EPM2A: variants seen among roughly 807,000 people sequenced by gnomAD.
The protein encoded by EPM2A is EPM2A glucan phosphatase, laforin.
A neutral mutation model predicts 26.5 loss-of-function variants in EPM2A; 21 were observed. The observed-to-expected ratio is 0.79, with a 90% CI of 0.56 to 1.14. The LOEUF (loss-of-function observed/expected upper bound fraction) is 1.14, where lower values mean the gene tolerates loss of function less well. EPM2A is among the 50% of genes most tolerant of loss of function. The pLI, the probability that EPM2A is intolerant of heterozygous loss-of-function variation, is 0.00. For missense variants in EPM2A, 458 were observed against 440.8 expected, an observed-to-expected ratio of 1.04 and a Z score of -0.35; for synonymous variants, 217 against 177.6, an observed-to-expected ratio of 1.22 and a Z score of -1.76.
intron 2 of EPM2A, among the ~76,000 whole-genome samples, chr6:145,608,435 G>A (rs1172985940): frequency 1.3e-5 from 2 of 152,066 alleles, no homozygotes; most frequent in Non-Finnish European, 2.9e-5. Context: ...ATGTTATTTT[G>A]TGGAATGACT....
chr6:145,722,516 T>C (rs6901219), intron 1 of EPM2A, among the ~76,000 whole-genome samples: 10,134 of 152,198 alleles, frequency 0.067, 1,132 homozygotes, highest in African/African-American at 0.23. Context: ...TAAAATTTAC[T>C]TGCCAAATTT....
At chr6:145,553,724 TAAG>T (rs1032254535) in intron 2 of EPM2A, among the ~76,000 whole-genome samples, 2 of 151,630 alleles carry the variant, frequency 1.3e-5, no homozygotes, top group African/African-American at 4.8e-5. Flanking sequence ...TTTCAGCTGT[TAAG>T]AAGAGAAATA....
intron 1 of EPM2A, among the ~76,000 whole-genome samples, chr6:145,709,683 A>G (rs185330297): frequency 1.4e-4 from 21 of 152,298 alleles, no homozygotes; most frequent in African/African-American, 3.6e-4. Flanking sequence ...ACATTATCCC[A>G]TCTGTATTTT....
chr6:145,471,395 A>C (rs1004525832), intron 4 of EPM2A, among the ~76,000 whole-genome samples: 1 of 152,190 alleles, frequency 6.6e-6, no homozygotes, highest in Admixed American at 6.6e-5. Context: ...ATCCCTCACA[A>C]GGACACCAAG....
intron 4 of EPM2A, among the ~76,000 whole-genome samples, chr6:145,440,334 T>A (rs1332231958): frequency 1.3e-5 from 2 of 152,168 alleles, no homozygotes; most frequent in African/African-American, 4.8e-5. Flanking sequence ...GATTCAATTA[T>A]CTTCCACTGA....
chr6:145,515,926 T>C (rs1465209058), intron 2 of EPM2A, among the ~76,000 whole-genome samples: 1 of 152,192 alleles, frequency 6.6e-6, no homozygotes, highest in Non-Finnish European at 1.5e-5. Context: ...ATGGTGACTA[T>C]GCACTGGGCA....
intron 2 of EPM2A, among the ~76,000 whole-genome samples, chr6:145,643,071 G>C (rs1777205459): frequency 1.3e-5 from 2 of 152,258 alleles, no homozygotes; most frequent in South Asian, 4.1e-4. Context: ...TACAGATAGA[G>C]AGAAGTGGAT....
rs1779433555 is a variant in EPM2A, at chr6:145,468,793, C to T, written c.555+33729G>A. ...TGCAAAAACTGGACATATTGGATCA[C>T]ATCAAGTTAAAAAAGCTTCTGCACT... On this transcript the variant is annotated intron_variant, in intron 4 of 4. Transcript: ENST00000638717. Among the ~76,000 whole-genome samples, 5 of 151,970 alleles carry T rather than the reference C, an allele frequency of 3.3e-5. No individual in the cohort carries two copies. In the South Asian group the frequency reaches 1.0e-3, roughly 31 times the overall value.
intron 2 of EPM2A, among the ~76,000 whole-genome samples, chr6:145,574,425 C>G (rs192226657): frequency 6.6e-6 from 1 of 152,148 alleles, no homozygotes; most frequent in African/African-American, 2.4e-5. Context: ...TGCCACCTTG[C>G]GATCCAATTA....
At chr6:145,735,569 G>A (rs1167352463), upstream of EPM2A, 3 of 1,104,076 alleles carry the variant, frequency 2.7e-6, no homozygotes, top group Non-Finnish European at 3.3e-6. Flanking sequence ...CGAGCACTAG[G>A]CGGCCGCAGC....
chr6:145,601,572 T>G (rs753041585), intron 2 of EPM2A, among the ~76,000 whole-genome samples: 8 of 152,230 alleles, frequency 5.3e-5, no homozygotes, highest in African/African-American at 9.6e-5. Flanking sequence ...ATTTCCCAAC[T>G]AAGTGTTTTG....
At chr6:145,489,780 C>T (rs1450663395) in intron 4 of EPM2A, 8 of 1,441,672 alleles carry the variant, frequency 5.5e-6, no homozygotes, top group Admixed American at 1.7e-5. Flanking sequence ...TCTCTTCTCT[C>T]GGTTCATAGA....
chr6:145,690,161 ATTC>A (rs1338243686), intron 1 of EPM2A, among the ~76,000 whole-genome samples: 1 of 152,164 alleles, frequency 6.6e-6, no homozygotes, highest in Non-Finnish European at 1.5e-5. Flanking sequence ...TGGGACCTCC[ATTC>A]TTCTGCTGGA....
intron 3 of EPM2A, 106 bp from the exon 4 acceptor site, chr6:145,627,799 G>T: frequency 6.7e-7 from 1 of 1,490,686 alleles, no homozygotes; most frequent in Non-Finnish European, 9.1e-7. Flanking sequence ...CACAGGGCCA[G>T]GCAGGGATAC....
At position 145,610,253 on chromosome 6, in the gene EPM2A, G is replaced by A. The variant is rs7757714; in HGVS notation, c.340+24992C>T. Among the ~76,000 whole-genome samples the A allele has an allele frequency of 5.9e-3, 899 of 151,680 alleles. 7 individuals carry two copies. Among genetic ancestry groups the A allele is most frequent in the African/African-American group, 0.021 (861 of 41,324 alleles). ...AAATTTGGAGAGAGTTTTCAATTTC[G>A]GCTTTGAAATCCTTTAGTGGTAGGA... On this transcript the variant is annotated intron_variant, in intron 2 of 3. Coordinates refer to the EPM2A transcript ENST00000450221.
intron 2 of EPM2A, among the ~76,000 whole-genome samples, chr6:145,546,816 A>C (rs1337640497): frequency 1.3e-5 from 2 of 152,098 alleles, no homozygotes; most frequent in African/African-American, 4.8e-5. Context: ...TTTTTCCTTC[A>C]ATGATCTTCC....
chr6:145,680,358 G>C (rs535997087), intron 2 of EPM2A, among the ~76,000 whole-genome samples: 1 of 110,528 alleles, frequency 9.0e-6, no homozygotes, highest in African/African-American at 3.7e-5. Flanking sequence ...TTCTGCGTAA[G>C]TTTCATTTAT....
chr6:145,436,238 A>G (rs900629997), intron 4 of EPM2A, among the ~76,000 whole-genome samples: 7 of 152,194 alleles, frequency 4.6e-5, no homozygotes, highest in African/African-American at 1.7e-4. Flanking sequence ...TTGTTTATTC[A>G]GTAATCAGTT....
intron 3 of EPM2A, chr6:145,628,689 G>T (rs982365842): frequency 1.3e-5 from 2 of 152,326 alleles, no homozygotes; most frequent in East Asian, 3.9e-4. Context: ...AGGATCCTCC[G>T]ACGGTCACAC....
Sources: gnomAD v4.1 joint callset for allele counts (sites outside exome capture counted in the v4.1 genomes callset) on GRCh38, gnomAD v4.1.1 for gene constraint, MANE v1.5 for transcripts, NCBI Gene and HGNC (gene_info 2026-07-23, HGNC 2026-07-21) for gene names.